IKZF3: variants seen among roughly 807,000 people sequenced by gnomAD.
The protein encoded by IKZF3 is zinc finger protein Aiolos.
IKZF3 carries 10 observed loss-of-function variants against 49.0 expected under a neutral mutation model. The observed-to-expected ratio is 0.20, with a 90% CI of 0.13 to 0.35. IKZF3 has a LOEUF of 0.35. IKZF3 is among the 10% of genes least tolerant of loss of function. The pLI, the probability that IKZF3 is intolerant of heterozygous loss-of-function variation, is 1.00. For synonymous variants in IKZF3, 209 were observed against 228.2 expected (o/e 0.92, Z 0.76); for missense variants, 498 against 664.8 (o/e 0.75, Z 2.76).
chr17:39,799,305 A>C (rs2061257778), intron 3 of IKZF3, among the ~76,000 whole-genome samples: 1 of 152,190 alleles, frequency 6.6e-6, no homozygotes, highest in Non-Finnish European at 1.5e-5. Flanking sequence ...GGCCCACGGT[A>C]CATGTGACCT....
intron 2 of IKZF3, among the ~76,000 whole-genome samples, chr17:39,830,491 A>C (rs534965497): frequency 2.9e-3 from 436 of 152,352 alleles, no homozygotes; most frequent in Non-Finnish European, 4.6e-3. Context: ...GAAAGGGAGC[A>C]GACATAATAA....
chr17:39,773,232 C>T (rs145547638), intron 7 of IKZF3, among the ~76,000 whole-genome samples: 56 of 152,250 alleles, frequency 3.7e-4, no homozygotes, highest in African/African-American at 1.2e-3. Flanking sequence ...CCTTATAGGC[C>T]GAGGTCTGGC....
At chr17:39,800,361 T>G (rs149317842) in intron 3 of IKZF3, among the ~76,000 whole-genome samples, 1 of 152,320 alleles carries the variant, frequency 6.6e-6, no homozygotes, top group East Asian at 1.9e-4. Context: ...TCTATACATG[T>G]AATTATACTT....
At chr17:39,845,285 G>C (rs192841141) in intron 1 of IKZF3, among the ~76,000 whole-genome samples, 56 of 152,188 alleles carry the variant, frequency 3.7e-4, no homozygotes, top group African/African-American at 1.3e-3. Flanking sequence ...ACTTCGGAAG[G>C]CTGAGGCAGG....
chr17:39,832,203 GTTTGAGCATTCCAAAT>G, intron 1 of IKZF3, 52 bp from the exon 2 acceptor site: 1 of 1,364,906 alleles, frequency 7.3e-7, no homozygotes, highest in Non-Finnish European at 1.0e-6. Flanking sequence ...ATTTCTACAG[GTTTGAGCATTCCAAAT>G]TTAATAAGGG....
rs781416005 is a variant in IKZF3 at position 39,766,379 on chromosome 17, T to G, written c.941A>C (p.Tyr314Ser). 1.9e-6 allele frequency: 3 copies of G among 1,614,060 alleles called. No homozygotes were observed. Among genetic ancestry groups the G allele is most frequent in the African/African-American group, 2.7e-5 (2 of 74,912 alleles). The change falls in exon 8 of 8, where the codon TAT becomes TCT. Residue 314 changes from tyrosine (Y) to serine (S), a missense_variant. This residue lies in a region of IKZF3 where 317 missense variants were observed against 397.3 expected (regional missense o/e 0.80). Coordinates refer to ENST00000346872, the MANE Select transcript of IKZF3 (RefSeq NM_012481.5). Reference protein sequence around the residue: ...MDQAINNAISYLGAEALRPLV... With the variant: ...MDQAINNAISSLGAEALRPLV... ...GGGGCGCAGGGCTTCGGCGCCAAGA[T>G]AGCTGATGGCGTTATTGATGGCTTG...
At chr17:39,856,776 A>C (rs929529571) in intron 1 of IKZF3, among the ~76,000 whole-genome samples, 4 of 152,022 alleles carry the variant, frequency 2.6e-5, no homozygotes, top group African/African-American at 9.7e-5. Context: ...ACTGCACTCC[A>C]GCCTGGGCAA....
chr17:39,854,781 A>G (rs2062990636), intron 1 of IKZF3, among the ~76,000 whole-genome samples: 1 of 152,182 alleles, frequency 6.6e-6, no homozygotes, highest in Non-Finnish European at 1.5e-5. Context: ...ACAGCATTAG[A>G]AAAATGGGGA....
At chr17:39,810,573 T>C (rs1253811613) in intron 3 of IKZF3, among the ~76,000 whole-genome samples, 1 of 151,098 alleles carries the variant, frequency 6.6e-6, no homozygotes, top group Non-Finnish European at 1.5e-5. Flanking sequence ...TACTCTTGTA[T>C]GCTTGAGTCA....
At position 39,765,533 on chromosome 17, in the gene IKZF3, C is replaced by G; in HGVS notation, c.*257G>C. The G allele has an allele frequency of 2.3e-6, 1 of 426,382 alleles. No individual in the cohort carries two copies. Among genetic ancestry groups the G allele is most frequent in the Non-Finnish European group, 4.2e-6 (1 of 237,250 alleles). The allele number at this position is 426,382 out of a possible 1,614,324, so 26.4% of individuals were successfully genotyped here. ...GCTGTAGAAGATAATGACCAAATAC[C>G]TTTTTGGCTTTTAAATTCCATAAAA... On this transcript the variant is annotated 3_prime_UTR_variant, in exon 8 of 8. Transcript: ENST00000346872.
In IKZF3 at chr17:39,807,941, A is replaced by G. The variant is rs555508675; in HGVS notation, c.164-15008T>C. ...TTTTTTAGGGTGATGGAAATGTTCT[A>G]AAACATGGTGGTAGTTGTACAGCTC... On this transcript the variant is annotated intron_variant, in intron 3 of 7. Coordinates refer to ENST00000346872, the MANE Select transcript of IKZF3 (RefSeq NM_012481.5). Among the ~76,000 whole-genome samples the G allele has an allele frequency of 3.3e-5, 5 of 152,304 alleles. No individual in the cohort carries two copies. The South Asian group carries it at 1.0e-3, about 32-fold the overall frequency.
At chr17:39,820,825 C>T (rs184988250) in intron 3 of IKZF3, among the ~76,000 whole-genome samples, 2 of 152,214 alleles carry the variant, frequency 1.3e-5, no homozygotes, top group Admixed American at 1.3e-4. Flanking sequence ...CCTTTCAGCC[C>T]CACCCAGTGA....
intron 1 of IKZF3, among the ~76,000 whole-genome samples, chr17:39,857,905 C>A (rs1418911746): frequency 6.6e-6 from 1 of 150,822 alleles, no homozygotes; most frequent in Non-Finnish European, 1.5e-5. Context: ...GGGAGGATCG[C>A]TTGAGCCCAG....
At position 39,864,107 on chromosome 17, in the gene IKZF3, G is replaced by C. The variant is rs1188006895; in HGVS notation, c.7+13C>G. 1.2e-6 allele frequency: 2 copies of C among 1,612,900 alleles called. No individual in the cohort carries two copies. The highest frequency in any genetic ancestry group is 3.3e-5 in the Admixed American group (2 of 59,996). Reference sequence around the variant, plus strand: ...CAAAGACCCCGGAGAAAAGAAGCGGGCTGGAGGCTCACCTTCCATGTCGCT... The same window carrying C: ...CAAAGACCCCGGAGAAAAGAAGCGGCCTGGAGGCTCACCTTCCATGTCGCT... On this transcript the variant is annotated intron_variant, in intron 1 of 7. Coordinates refer to ENST00000346872, the MANE Select transcript of IKZF3 (RefSeq NM_012481.5).
rs1292075535 is a variant in IKZF3 at position 39,859,416 on chromosome 17, C to T, written c.7+4704G>A. ...TTGAGACAGGGTCTTGCTCTGTTGCCCAGGCTGTGGCATGCTCATGTCAGT... is the reference window on the plus strand; with the variant it reads ...TTGAGACAGGGTCTTGCTCTGTTGCTCAGGCTGTGGCATGCTCATGTCAGT... On this transcript the variant is annotated intron_variant, in intron 1 of 7. Coordinates refer to ENST00000346872, the MANE Select transcript of IKZF3 (RefSeq NM_012481.5). Among the ~76,000 whole-genome samples the T allele has an allele frequency of 4.6e-5, 7 of 151,118 alleles. No homozygotes were observed. In the East Asian group the frequency reaches 1.2e-3, roughly 25 times the overall value.
chr17:39,833,705 A>G (rs943710758), intron 1 of IKZF3, among the ~76,000 whole-genome samples: 1 of 152,138 alleles, frequency 6.6e-6, no homozygotes, highest in African/African-American at 2.4e-5. Flanking sequence ...TGGGCTATTT[A>G]TAAGTCAAAC....
intron 3 of IKZF3, among the ~76,000 whole-genome samples, chr17:39,800,239 TACATCTTAAGTTG>T (rs1405941203): frequency 2.6e-5 from 4 of 152,246 alleles, no homozygotes; most frequent in African/African-American, 4.8e-5. Context: ...TTCTTAGACA[TACATCTTAAGTTG>T]ACACTTAGAA....
chr17:39,799,969 A>G (rs1165669234), intron 3 of IKZF3, among the ~76,000 whole-genome samples: 2 of 152,224 alleles, frequency 1.3e-5, no homozygotes, highest in Non-Finnish European at 1.5e-5. Context: ...TGCAAAACCA[A>G]TAACACTGTC....
intron 1 of IKZF3, among the ~76,000 whole-genome samples, chr17:39,850,212 A>G (rs1016630415): frequency 6.7e-5 from 9 of 135,230 alleles, no homozygotes; most frequent in Non-Finnish European, 1.4e-4. Flanking sequence ...ATACTATATA[A>G]CATATTATGT....
Sources: gnomAD v4.1 joint callset for allele counts (sites outside exome capture counted in the v4.1 genomes callset) on GRCh38, gnomAD v4.1.1 for gene constraint, gnomAD v4.1.1 regional missense constraint, MANE v1.5 for transcripts, NCBI Gene and HGNC (gene_info 2026-07-23, HGNC 2026-07-21) for gene names.